The following C2CD3 variants were observed in gnomAD, a reference collection of about 807,000 sequenced individuals.
C2CD3 encodes C2 domain-containing protein 3.
In C2CD3, 148 loss-of-function variants were observed where a neutral mutation model predicts 234.0. That is an observed-to-expected ratio of 0.63 (90% CI 0.55 to 0.72). C2CD3 has a LOEUF of 0.72. Among genes scored for constraint, C2CD3 ranks in the 30% least tolerant of loss-of-function variants. The probability of loss-of-function intolerance (pLI) is 0.00; values close to 1 mark genes in which losing one functional copy is unlikely to be tolerated. For synonymous variants in C2CD3, 1,000 were observed against 1,035.4 expected (o/e 0.97, Z 0.66); for missense variants, 2,577 against 2,811.5 (o/e 0.92, Z 1.89).
chr11:74,102,911 T>C (rs934626387), intron 14 of C2CD3, among the ~76,000 whole-genome samples: 8 of 152,192 alleles, frequency 5.3e-5, no homozygotes, highest in African/African-American at 1.9e-4. Flanking sequence ...TGAGAAACCA[T>C]GTGAACTCAG....
At chr11:74,164,502 G>C (rs58898896) in intron 2 of C2CD3, among the ~76,000 whole-genome samples, 9,853 of 152,176 alleles carry the variant, frequency 0.065, 787 homozygotes, top group African/African-American at 0.19. Context: ...TGGTGCCAGG[G>C]TAACCTTGGG....
At chr11:74,017,833 T>C (rs1951933855) in intron 32 of C2CD3, among the ~76,000 whole-genome samples, 1 of 152,202 alleles carries the variant, frequency 6.6e-6, no homozygotes, top group African/African-American at 2.4e-5. Context: ...GCCTGGAACA[T>C]GATCTGATCC....
At chr11:74,133,620 C>G (rs1347326199) in intron 5 of C2CD3, 63 bp from the exon 6 acceptor site, 1 of 1,564,464 alleles carries the variant, frequency 6.4e-7, no homozygotes, top group African/African-American at 1.4e-5. Flanking sequence ...TTGGAATATT[C>G]AGTGCATTTC....
Position 74,138,926 on chromosome 11 carries a change from A to G in C2CD3, c.749T>C (p.Ile250Thr), listed in dbSNP as rs930974708. The G allele has an allele frequency of 1.2e-6, 2 of 1,610,626 alleles. No individual in the cohort carries two copies. The highest frequency in any genetic ancestry group is 2.2e-5 in the East Asian group (1 of 44,866). Residue 250 changes from isoleucine (I) to threonine (T), a missense_variant, in exon 5 of 33, where the codon ATA becomes ACA. By Grantham distance (89) the Ile-to-Thr change is moderately conservative. Coordinates refer to ENST00000334126, the MANE Select transcript of C2CD3 (RefSeq NM_001286577.2). ...CTGTAGTCCAAAGGAAGAATCCTTT[A>G]TTGTATCAGGGTTCTCTGCAAAGCA... is the stretch of plus-strand genomic sequence containing the variant. ...HVCFAENPDTIKDSSFGLQHS... is the reference protein window; with the variant it reads ...HVCFAENPDTTKDSSFGLQHS...
At chr11:74,040,964 ATTTTT>A (rs570727716) in intron 29 of C2CD3, among the ~76,000 whole-genome samples, 16 of 133,830 alleles carry the variant, frequency 1.2e-4, no homozygotes, top group African/African-American at 4.3e-4. Flanking sequence ...TTTTCCTTAA[ATTTTT>A]TTTTTTTTTT....
chr11:74,145,182 C>T (rs1186758109), intron 3 of C2CD3, among the ~76,000 whole-genome samples: 2 of 152,182 alleles, frequency 1.3e-5, no homozygotes, highest in African/African-American at 4.8e-5. Flanking sequence ...TATGCTCCCA[C>T]CAGCAGTGTA....
chr11:74,138,104 T>C (rs539229347), intron 5 of C2CD3, among the ~76,000 whole-genome samples: 1 of 152,366 alleles, frequency 6.6e-6, no homozygotes, highest in South Asian at 2.1e-4. Context: ...AAGAGATACA[T>C]GGTTGACCAT....
At chr11:74,163,150 G>C (rs1290324279) in intron 2 of C2CD3, among the ~76,000 whole-genome samples, 1 of 152,166 alleles carries the variant, frequency 6.6e-6, no homozygotes, top group African/African-American at 2.4e-5. Flanking sequence ...GTAGTGAAAA[G>C]CATGTAGGAA....
intron 8 of C2CD3, among the ~76,000 whole-genome samples, chr11:74,121,608 CAAAA>C (rs369249513): frequency 1.6e-5 from 1 of 62,182 alleles, no homozygotes; most frequent in Non-Finnish European, 3.8e-5. Flanking sequence ...GACTCCGTCT[CAAAA>C]AAAAAAAAAA....
chr11:74,028,471 G>C lies in C2CD3; in HGVS notation c.6810-73C>G, dbSNP rs1336614991. The stretch of plus-strand genomic sequence containing the variant: ...TGCAGTGGAGGCCAGCATCTCCACT[G>C]ACCATTCACTCTGCCCCCACTCATG... On this transcript the variant is annotated intron_variant, in intron 31 of 32. Coordinates refer to ENST00000334126, the MANE Select transcript of C2CD3 (RefSeq NM_001286577.2). 3.5e-6 allele frequency: 3 copies of C among 865,912 alleles called. No homozygotes were observed. In the African/African-American group the frequency reaches 5.1e-5, roughly 15 times the overall value. 53.6% of individuals were successfully genotyped at this position (865,912 alleles called of 1,614,324 possible). A position where few individuals can be genotyped will look rare whatever the true frequency, so the allele number is the denominator to read the frequency against.
At chr11:74,084,845 G>T (rs1379602522) in intron 22 of C2CD3, 36 bp downstream of exon 22, 2 of 1,223,680 alleles carry the variant, frequency 1.6e-6, no homozygotes, top group Admixed American at 3.4e-5. Context: ...GAAAGGGAAA[G>T]GGTGGCATCA....
chr11:74,077,722 AC>A (rs1007111350), intron 23 of C2CD3, among the ~76,000 whole-genome samples: 1 of 140,904 alleles, frequency 7.1e-6, no homozygotes, highest in Non-Finnish European at 1.5e-5. Context: ...GCACATGTAT[AC>A]CTATGTAATA....
intron 2 of C2CD3, among the ~76,000 whole-genome samples, chr11:74,163,205 C>CAAGCTATTTCTGTATAAGCCATGGTTG (rs1175840225): frequency 2.6e-5 from 4 of 152,150 alleles, no homozygotes; most frequent in African/African-American, 9.7e-5. Flanking sequence ...GCAATATTCA[C>CAAGCTATTTCTGTATAAGCCATGGTTG]AAGCTATTTC....
At chr11:74,159,864 T>C (rs1439655577) in intron 3 of C2CD3, among the ~76,000 whole-genome samples, 2 of 152,220 alleles carry the variant, frequency 1.3e-5, no homozygotes, top group South Asian at 2.1e-4. Flanking sequence ...GAGCAACTTC[T>C]AGTCCTGTAA....
At chr11:74,149,167 C>G (rs552105660) in intron 3 of C2CD3, among the ~76,000 whole-genome samples, 9 of 152,132 alleles carry the variant, frequency 5.9e-5, no homozygotes, top group Non-Finnish European at 1.3e-4. Context: ...GAATTTAGCT[C>G]TCTCCCACAT....
intron 32 of C2CD3, among the ~76,000 whole-genome samples, chr11:74,020,998 G>C (rs73552745): frequency 0.077 from 11,724 of 152,272 alleles, 1,385 homozygotes; most frequent in African/African-American, 0.25. Context: ...CAGAAATAAT[G>C]ATGGTTGAGA....
intron 23 of C2CD3, among the ~76,000 whole-genome samples, chr11:74,077,821 A>G (rs1425985433): frequency 8.3e-5 from 2 of 24,050 alleles, no homozygotes; most frequent in African/African-American, 6.0e-4. Context: ...ATATATATAT[A>G]TATATATATA....
chr11:74,083,933 C>T lies in C2CD3; in HGVS notation c.4000+948G>A, dbSNP rs191106258. On this transcript the variant is annotated intron_variant, in intron 22 of 32. Coordinates refer to ENST00000334126, the MANE Select transcript of C2CD3 (RefSeq NM_001286577.2). ...AGAATTACCATTTGACCCAGCCATC[C>T]CATGACTGGGTATATACCCAAAGGA... is the stretch of plus-strand genomic sequence containing the variant. Among the ~76,000 whole-genome samples the T allele has an allele frequency of 1.4e-3, 220 of 152,218 alleles. 6 individuals are homozygous for T. The highest frequency in any genetic ancestry group is 0.014 in the Admixed American group (218 of 15,290).
intron 28 of C2CD3, among the ~76,000 whole-genome samples, chr11:74,047,700 G>T (rs1356617480): frequency 6.6e-6 from 1 of 152,170 alleles, no homozygotes; most frequent in Non-Finnish European, 1.5e-5. Flanking sequence ...TGTAGGCAGC[G>T]GGGTGCTTCA....
Sources: allele counts gnomAD v4.1 joint callset (sites outside exome capture counted in the v4.1 genomes callset), GRCh38; gene constraint gnomAD v4.1.1; transcripts MANE v1.5; gene names NCBI Gene and HGNC (gene_info 2026-07-23, HGNC 2026-07-21).